The following AGBL4 variants were observed in gnomAD, a reference collection of about 807,000 sequenced individuals.
AGBL4 encodes cytosolic carboxypeptidase 6.
In AGBL4, 58 loss-of-function variants were observed where a neutral mutation model predicts 66.4. That is an observed-to-expected ratio of 0.87 (90% CI 0.71 to 1.09). AGBL4 has a LOEUF of 1.09. AGBL4 is among the 50% of genes least tolerant of loss of function. The pLI is 0.00. For missense variants in AGBL4, 579 were observed against 631.0 expected (o/e 0.92, Z 0.88); for synonymous variants, 234 against 222.9 (o/e 1.05, Z -0.44).
At chr1:49,571,649 C>T (rs1644333987) in intron 3 of AGBL4, among the ~76,000 whole-genome samples, 1 of 152,048 alleles carries the variant, frequency 6.6e-6, no homozygotes. Flanking sequence ...TCTCTTGTTC[C>T]AGTTCTTTAG....
At chr1:48,783,127 G>A (rs752123425) in intron 6 of AGBL4, among the ~76,000 whole-genome samples, 39 of 152,086 alleles carry the variant, frequency 2.6e-4, no homozygotes, top group Non-Finnish European at 4.3e-4. Context: ...ATTTTGCCCA[G>A]AAAAGTAATT....
chr1:49,795,741 A>C (rs191246634), intron 2 of AGBL4, among the ~76,000 whole-genome samples: 5 of 152,140 alleles, frequency 3.3e-5, no homozygotes, highest in Non-Finnish European at 7.4e-5. Flanking sequence ...ATTGATAAAA[A>C]CAGCTATTCA....
At chr1:49,179,468 T>G (rs1646889743) in intron 4 of AGBL4, among the ~76,000 whole-genome samples, 1 of 152,136 alleles carries the variant, frequency 6.6e-6, no homozygotes, top group Non-Finnish European at 1.5e-5. Context: ...GGTTTTGGTA[T>G]TCCTGGTGCC....
chr1:48,707,089 T>C (rs760856862), intron 6 of AGBL4, among the ~76,000 whole-genome samples: 1 of 152,032 alleles, frequency 6.6e-6, no homozygotes, highest in Non-Finnish European at 1.5e-5. Flanking sequence ...AGTCCGGGAG[T>C]TCGAGACCAG....
At position 49,995,393 on chromosome 1, in the gene AGBL4, C is replaced by T. The variant is rs377143756; in HGVS notation, c.34+28370G>A. 1.1e-3 allele frequency: 462 copies of T among 425,128 alleles called. 6 individuals carry two copies. The highest frequency in any genetic ancestry group is 7.3e-3 in the South Asian group (434 of 59,266). The allele number at this position is 425,128 out of a possible 1,614,324, so 26.3% of individuals were successfully genotyped here. A position where few individuals can be genotyped will look rare whatever the true frequency, so the allele number is the denominator to read the frequency against. ...ACTGCGGCCTTTCCCACTTCCCTGG[C>T]CACCTGTATGATGCAGAAGAGGCAG... On this transcript the variant is annotated intron_variant, in intron 1 of 13. Coordinates refer to ENST00000371839, the MANE Select transcript of AGBL4 (RefSeq NM_032785.4).
At chr1:49,789,321 G>T (rs971785064) in intron 2 of AGBL4, among the ~76,000 whole-genome samples, 3 of 152,050 alleles carry the variant, frequency 2.0e-5, no homozygotes, top group Non-Finnish European at 4.4e-5. Flanking sequence ...TTGTGTCTCT[G>T]CCAGGTTATG....
intron 2 of AGBL4, among the ~76,000 whole-genome samples, chr1:49,760,566 G>C (rs1323237557): frequency 6.6e-6 from 1 of 152,162 alleles, no homozygotes; most frequent in South Asian, 2.1e-4. Context: ...CTCTTACATT[G>C]TTGGTGGAAA....
intron 3 of AGBL4, among the ~76,000 whole-genome samples, chr1:49,444,541 T>C (rs970917609): frequency 6.6e-6 from 1 of 152,056 alleles, no homozygotes; most frequent in Admixed American, 6.6e-5. Context: ...TTTTTTTCCT[T>C]TTTTTACTGT....
intron 1 of AGBL4, among the ~76,000 whole-genome samples, chr1:49,910,397 T>C (rs1469648114): frequency 2.0e-5 from 3 of 152,014 alleles, no homozygotes; most frequent in Non-Finnish European, 2.9e-5. Flanking sequence ...AGAGCTTCAG[T>C]GGAGTAGTGG....
chr1:48,970,983 A>G (rs1282964554), intron 5 of AGBL4, among the ~76,000 whole-genome samples: 1 of 152,162 alleles, frequency 6.6e-6, no homozygotes, highest in Non-Finnish European at 1.5e-5. Context: ...GGCATACTAT[A>G]TATCATTCCC....
intron 3 of AGBL4, among the ~76,000 whole-genome samples, chr1:49,561,144 C>G (rs1002702471): frequency 3.3e-5 from 5 of 151,866 alleles, no homozygotes; most frequent in Admixed American, 1.3e-4. Flanking sequence ...ATAATAACTA[C>G]AAAAACTTTT....
intron 3 of AGBL4, among the ~76,000 whole-genome samples, chr1:49,556,333 C>T (rs1169930774): frequency 2.6e-5 from 4 of 151,840 alleles, no homozygotes; most frequent in African/African-American, 9.7e-5. Context: ...GAATAAGGAA[C>T]ACTTGGACAC....
At chr1:48,665,628 C>G (rs1336543513) in intron 6 of AGBL4, among the ~76,000 whole-genome samples, 1 of 152,134 alleles carries the variant, frequency 6.6e-6, no homozygotes, top group African/African-American at 2.4e-5. Context: ...CTTTCACTAC[C>G]CTGTTTCATT....
intron 3 of AGBL4, among the ~76,000 whole-genome samples, chr1:49,575,253 T>C (rs1644413389): frequency 1.3e-5 from 2 of 152,198 alleles, no homozygotes; most frequent in South Asian, 2.1e-4. Flanking sequence ...ACATAATTAA[T>C]GGAGTTTTAG....
chr1:49,570,414 T>C (rs560677032), intron 3 of AGBL4, among the ~76,000 whole-genome samples: 33 of 152,294 alleles, frequency 2.2e-4, no homozygotes, highest in African/African-American at 7.9e-4. Context: ...AAATATGTCC[T>C]TTGCCCACTT....
At chr1:49,775,441 G>A (rs1380275513) in intron 2 of AGBL4, among the ~76,000 whole-genome samples, 1 of 152,004 alleles carries the variant, frequency 6.6e-6, no homozygotes, top group Admixed American at 6.6e-5. Flanking sequence ...TTATATAAAT[G>A]TGCAAATAGA....
intron 11 of AGBL4, among the ~76,000 whole-genome samples, chr1:48,580,959 T>C (rs771369172): frequency 6.6e-6 from 1 of 152,102 alleles, no homozygotes; most frequent in South Asian, 2.1e-4. Context: ...GAGCCCTAGT[T>C]TCTCTTCCTC....
chr1:50,018,374 A>G (rs1253991600), intron 1 of AGBL4, among the ~76,000 whole-genome samples: 1 of 152,170 alleles, frequency 6.6e-6, no homozygotes, highest in Non-Finnish European at 1.5e-5. Context: ...GCATATTCCA[A>G]TATGGTGAAC....
chr1:48,581,770 C>A (rs1412408875), intron 11 of AGBL4, among the ~76,000 whole-genome samples: 1 of 152,228 alleles, frequency 6.6e-6, no homozygotes. Context: ...GCAGCCCTAA[C>A]AACAATCCTG....
Sources: gnomAD v4.1 joint callset for allele counts (sites outside exome capture counted in the v4.1 genomes callset) on GRCh38, gnomAD v4.1.1 for gene constraint, MANE v1.5 for transcripts, NCBI Gene and HGNC (gene_info 2026-07-23, HGNC 2026-07-21) for gene names.